The following SESTD1 variants were observed in gnomAD, a reference collection of about 807,000 sequenced individuals.
SESTD1 encodes SEC14 and spectrin domain containing 1, also known as SEC14 domain and spectrin repeat-containing protein 1.
SESTD1 carries 43 observed loss-of-function variants against 101.7 expected under a neutral mutation model. The ratio of observed to expected loss-of-function variants is 0.42; its 90% CI spans 0.33 to 0.55. SESTD1 has a LOEUF of 0.55. SESTD1 is among the 20% of genes least tolerant of loss of function. SESTD1 has a pLI of 0.07. For missense variants in SESTD1, 647 were observed against 815.1 expected (o/e 0.79, Z 2.51); for synonymous variants, 283 against 286.8 (o/e 0.99, Z 0.13).
At position 179,104,058 on chromosome 2, in the gene SESTD1, A is replaced by C. The variant is rs923621086; in HGVS notation, c.*5841T>G. 9 of 152,182 alleles carry C rather than the reference A, an allele frequency of 5.9e-5. No individual in the cohort carries two copies. The highest frequency in any genetic ancestry group is 2.2e-4 in the African/African-American group (9 of 41,450). 9.4% of individuals were successfully genotyped at this position (152,182 alleles called of 1,614,324 possible). A position where few individuals can be genotyped will look rare whatever the true frequency, so the allele number is the denominator to read the frequency against. ...CTTTTTAATGTATTTGATAATTTTC[A>C]TAACAAGATGTTGGGTAAAAATACA... On this transcript the variant is annotated 3_prime_UTR_variant, in exon 18 of 18. Coordinates refer to ENST00000428443, the MANE Select transcript of SESTD1 (RefSeq NM_178123.5).
Position 179,118,365 on chromosome 2 carries a change from A to C in SESTD1, c.1443-752T>G, listed in dbSNP as rs115524346. Among the ~76,000 whole-genome samples, 1,277 of 152,272 alleles carry C rather than the reference A, an allele frequency of 8.4e-3. 13 individuals are homozygous for C. Among genetic ancestry groups the C allele is most frequent in the African/African-American group, 0.027 (1,120 of 41,554 alleles). Reference sequence around the variant, plus strand: ...ATATAACCATTTAAATTTTTAAGGCAACTTAACCTAACTTAACTCTGGTCC... The same window carrying C: ...ATATAACCATTTAAATTTTTAAGGCCACTTAACCTAACTTAACTCTGGTCC... On this transcript the variant is annotated intron_variant, in intron 13 of 17. Coordinates refer to ENST00000428443, the MANE Select transcript of SESTD1 (RefSeq NM_178123.5).
chr2:179,169,150 GAC>G (rs1385119757), intron 5 of SESTD1, among the ~76,000 whole-genome samples: 1 of 152,062 alleles, frequency 6.6e-6, no homozygotes, highest in Non-Finnish European at 1.5e-5. Flanking sequence ...CCCATGAAAA[GAC>G]AGAGATTGTT....
intron 3 of SESTD1, among the ~76,000 whole-genome samples, chr2:179,177,960 C>T (rs116688281): frequency 1.3e-3 from 195 of 152,292 alleles, no homozygotes; most frequent in African/African-American, 4.5e-3. Context: ...AGGACACACA[C>T]TGAATGATTC....
intron 1 of SESTD1, among the ~76,000 whole-genome samples, chr2:179,221,473 C>T (rs982170899): frequency 3.3e-5 from 5 of 151,870 alleles, no homozygotes; most frequent in African/African-American, 1.2e-4. Flanking sequence ...ATTAGCCAGG[C>T]GTGGAGGTGC....
intron 14 of SESTD1, 137 bp from the exon 15 acceptor site, chr2:179,116,927 C>T: frequency 8.4e-7 from 1 of 1,184,066 alleles, no homozygotes; most frequent in Non-Finnish European, 1.2e-6. Flanking sequence ...AAGCTTATTT[C>T]ATTCAATGAT....
In SESTD1 at chr2:179,199,757, C is replaced by A. The variant is rs570210173; in HGVS notation, c.-25-7891G>T. 4.2e-3 allele frequency among the ~76,000 whole-genome samples: 644 copies of A among 152,218 alleles called. 1 individual carries two copies. The highest frequency in any genetic ancestry group is 0.015 in the African/African-American group (610 of 41,526). ...AAGGCCTTTGACAAAATTCAACAACCCTTCATGCTAAAAACTCTCAATAAA... is the reference window on the plus strand; with the variant it reads ...AAGGCCTTTGACAAAATTCAACAACACTTCATGCTAAAAACTCTCAATAAA... On this transcript the variant is annotated intron_variant, in intron 1 of 17. Coordinates refer to ENST00000428443, the MANE Select transcript of SESTD1 (RefSeq NM_178123.5).
At chr2:179,123,886 T>A in intron 11 of SESTD1, 57 bp from the exon 12 acceptor site, 1 of 1,253,174 alleles carries the variant, frequency 8.0e-7, no homozygotes, top group Non-Finnish European at 1.2e-6. Context: ...CTAAAGTGTT[T>A]AATGATTAAT....
intron 2 of SESTD1, among the ~76,000 whole-genome samples, chr2:179,189,909 A>G (rs2046295504): frequency 6.6e-6 from 1 of 152,196 alleles, no homozygotes; most frequent in Non-Finnish European, 1.5e-5. Flanking sequence ...GCTGAAAGAA[A>G]TAACAGAAGA....
At position 179,109,808 on chromosome 2, in the gene SESTD1, G is replaced by A; in HGVS notation, c.*91C>T. 1 of 1,483,896 alleles carries A rather than the reference G, an allele frequency of 6.7e-7. No individual in the cohort carries two copies. The highest frequency in any genetic ancestry group is 1.3e-5 in the South Asian group (1 of 74,700). 91.9% of individuals were successfully genotyped at this position (1,483,896 alleles called of 1,614,324 possible). On this transcript the variant is annotated 3_prime_UTR_variant, in exon 18 of 18. Coordinates refer to ENST00000428443, the MANE Select transcript of SESTD1 (RefSeq NM_178123.5). The stretch of plus-strand genomic sequence containing the variant: ...AAGAAATGAGACTTATTTTGGCTGT[G>A]AAATGCATCTTAAGGTGTGGTGGCT...
chr2:179,221,609 A>C (rs1041125211), intron 1 of SESTD1, among the ~76,000 whole-genome samples: 2 of 148,878 alleles, frequency 1.3e-5, no homozygotes, highest in African/African-American at 2.5e-5. Flanking sequence ...ACAGAGTGAG[A>C]CTGTTAAGGA....
chr2:179,252,151 G>A (rs535351994), intron 1 of SESTD1, among the ~76,000 whole-genome samples: 1 of 152,294 alleles, frequency 6.6e-6, no homozygotes, highest in South Asian at 2.1e-4. Context: ...CATTTTAACA[G>A]AAACTGTTAT....
intron 5 of SESTD1, among the ~76,000 whole-genome samples, chr2:179,161,996 T>C (rs550210341): frequency 2.0e-5 from 3 of 152,322 alleles, no homozygotes; most frequent in African/African-American, 7.2e-5. Context: ...GAGTACAATT[T>C]ACACACTTAG....
intron 1 of SESTD1, among the ~76,000 whole-genome samples, chr2:179,192,914 G>A (rs908427766): frequency 6.6e-6 from 1 of 152,148 alleles, no homozygotes; most frequent in Admixed American, 6.5e-5. Flanking sequence ...GTTCCTTGAA[G>A]TACACTGTGA....
intron 1 of SESTD1, among the ~76,000 whole-genome samples, chr2:179,233,870 G>A (rs2047022132): frequency 6.6e-6 from 1 of 152,188 alleles, no homozygotes. Flanking sequence ...CCTGGTGTGT[G>A]TGCATGTGTG....
At chr2:179,246,313 G>A (rs1216699368) in intron 1 of SESTD1, among the ~76,000 whole-genome samples, 1 of 147,488 alleles carries the variant, frequency 6.8e-6, no homozygotes, top group African/African-American at 2.5e-5. Flanking sequence ...CTATACCAGA[G>A]ATAGAGATGT....
intron 5 of SESTD1, among the ~76,000 whole-genome samples, chr2:179,170,187 T>C (rs2045906152): frequency 6.7e-6 from 1 of 148,750 alleles, no homozygotes; most frequent in African/African-American, 2.5e-5. Context: ...GAAAACTGTT[T>C]CTCCACCTGT....
At chr2:179,187,373 T>G (rs894487650) in intron 2 of SESTD1, among the ~76,000 whole-genome samples, 3 of 152,086 alleles carry the variant, frequency 2.0e-5, no homozygotes, top group Non-Finnish European at 4.4e-5. Context: ...GCCTATAATC[T>G]CAGCAATTTG....
In SESTD1 at chr2:179,102,210, G is replaced by C. The variant is rs1050264058; in HGVS notation, c.*7689C>G. ...CTTCTGTGCCAAGCCTGTGGGAAGG[G>C]ATTGTTGGGGTCACGGGAGAGGGAA... On this transcript the variant is annotated 3_prime_UTR_variant, in exon 18 of 18. Transcript: ENST00000428443. The C allele has an allele frequency of 6.6e-6, 1 of 152,138 alleles. No homozygotes were observed. The highest frequency in any genetic ancestry group is 2.4e-5 in the African/African-American group (1 of 41,432). 9.4% of individuals were successfully genotyped at this position (152,138 alleles called of 1,614,324 possible). A position where few individuals can be genotyped will look rare whatever the true frequency, so the allele number is the denominator to read the frequency against.
chr2:179,156,149 T>A (rs1288774349), intron 5 of SESTD1, among the ~76,000 whole-genome samples: 4 of 151,862 alleles, frequency 2.6e-5, no homozygotes, highest in African/African-American at 9.7e-5. Flanking sequence ...TATGTATATA[T>A]ATGTGTATAT....
Sources: gnomAD v4.1 joint callset for allele counts (sites outside exome capture counted in the v4.1 genomes callset) on GRCh38, gnomAD v4.1.1 for gene constraint, MANE v1.5 for transcripts, NCBI Gene and HGNC (gene_info 2026-07-23, HGNC 2026-07-21) for gene names.